CXCL12: variants seen among roughly 807,000 people sequenced by gnomAD.
CXCL12 encodes the protein C-X-C motif chemokine ligand 12.
A neutral mutation model predicts 10.7 loss-of-function variants in CXCL12; 4 were observed. The observed-to-expected ratio is 0.37, with a 90% CI of 0.18 to 0.86. The LOEUF is 0.86. Among genes scored for constraint, CXCL12 ranks in the 40% least tolerant of loss-of-function variants. The pLI is 0.43. For missense variants in CXCL12, 122 were observed against 110.4 expected, an observed-to-expected ratio of 1.10 and a Z score of -0.47; for synonymous variants, 54 against 45.4, an observed-to-expected ratio of 1.19 and a Z score of -0.77.
downstream of CXCL12, chr10:44,374,614 C>G (rs1889402): frequency 0.042 from 19,302 of 456,002 alleles, 501 homozygotes; most frequent in African/African-American, 0.074. Context: ...ACCTCCCCAA[C>G]GAGGAGAAGG....
At chr10:44,372,835 G>C (rs928355520), downstream of CXCL12, 1 of 1,506,606 alleles carries the variant, frequency 6.6e-7, no homozygotes. Context: ...GGAGAAGGGG[G>C]TGAGCCTCCC....
Position 44,384,930 on chromosome 10 carries a change from G to A in CXCL12, c.61+15C>T, listed in dbSNP as rs1277464438. The A allele has an allele frequency of 2.0e-6, 3 of 1,489,728 alleles. No homozygotes were observed. Among genetic ancestry groups the A allele is most frequent in the Non-Finnish European group, 2.7e-6 (3 of 1,121,012 alleles). 92.3% of individuals were successfully genotyped at this position (1,489,728 alleles called of 1,614,324 possible). ...CCCAGAGCCTCGCCAGGGCCTCCCC[G>A]CCGAGCGCACTTACCGTCGCTGAGG... is the stretch of plus-strand genomic sequence containing the variant. On this transcript the variant is annotated intron_variant, in intron 1 of 2. Coordinates refer to ENST00000343575, the MANE Select transcript of CXCL12 (RefSeq NM_199168.4).
chr10:44,384,277 C>T (rs1000844711), intron 1 of CXCL12, among the ~76,000 whole-genome samples: 5 of 152,108 alleles, frequency 3.3e-5, no homozygotes, highest in African/African-American at 1.2e-4. Context: ...CGGCTGGACG[C>T]GCGCCCAGGT....
Position 44,377,733 on chromosome 10 carries a change from G to A in CXCL12, c.*900C>T, listed in dbSNP as rs763311263. 14 of 1,598,192 alleles carry A rather than the reference G, an allele frequency of 8.8e-6. No individual in the cohort carries two copies. Among genetic ancestry groups the A allele is most frequent in the East Asian group, 2.2e-5 (1 of 44,892 alleles). On this transcript the variant is annotated 3_prime_UTR_variant, in exon 3 of 3. Coordinates refer to ENST00000343575, the MANE Select transcript of CXCL12 (RefSeq NM_199168.4). ...TTCTGTAAAGACTTGTCTTTTGCGG[G>A]TAAGCAGGGGGACCATTACACATCC...
chr10:44,383,865 C>T (rs1002341995), intron 1 of CXCL12, among the ~76,000 whole-genome samples: 1 of 152,146 alleles, frequency 6.6e-6, no homozygotes, highest in Non-Finnish European at 1.5e-5. Context: ...CTGCACAGCC[C>T]GCGGCTGCAA....
At chr10:44,372,505 G>T (rs1839338624), downstream of CXCL12, 3 of 522,314 alleles carry the variant, frequency 5.7e-6, no homozygotes, top group African/African-American at 2.0e-5. Context: ...CAAAAACATA[G>T]GATTGGACAA....
rs564784951 is a variant in CXCL12 at position 44,382,562 on chromosome 10, A to G, written c.62-1682T>C. 2.2e-4 allele frequency among the ~76,000 whole-genome samples: 34 copies of G among 152,174 alleles called. No individual in the cohort carries two copies. The South Asian group carries it at 6.6e-3, about 30-fold the overall frequency. ...AAGTGCTGCAGCCGCCCCCGCTGGG[A>G]TGGGTGGGGCTGTGACTCTCCAGCG... On this transcript the variant is annotated intron_variant, in intron 1 of 2. Coordinates refer to ENST00000343575, the MANE Select transcript of CXCL12 (RefSeq NM_199168.4).
At chr10:44,381,734 T>C (rs1030821309) in intron 1 of CXCL12, among the ~76,000 whole-genome samples, 1 of 152,244 alleles carries the variant, frequency 6.6e-6, no homozygotes, top group Non-Finnish European at 1.5e-5. Flanking sequence ...CTGGGATTTG[T>C]GTGTGCTTTT....
downstream of CXCL12, chr10:44,372,213 T>C (rs1839331448): frequency 6.6e-6 from 1 of 152,402 alleles, no homozygotes; most frequent in Non-Finnish European, 1.5e-5. Flanking sequence ...AGTGCTGGGC[T>C]TGGCCCTAGT....
chr10:44,375,877 C>T (rs886680109), downstream of CXCL12: 13 of 1,604,784 alleles, frequency 8.1e-6, no homozygotes, highest in African/African-American at 4.0e-5. Flanking sequence ...GGAGGAGGAT[C>T]GAGCAAATTT....
chr10:44,382,394 TCCAGGTTTCC>T, intron 1 of CXCL12, among the ~76,000 whole-genome samples: 1 of 152,266 alleles, frequency 6.6e-6, no homozygotes, highest in East Asian at 1.9e-4. Flanking sequence ...GTGTTGTGCC[TCCAGGTTTCC>T]CTGGATTTCT....
downstream of CXCL12, among the ~76,000 whole-genome samples, chr10:44,376,699 G>A (rs1839461468): frequency 6.6e-6 from 1 of 152,162 alleles, no homozygotes; most frequent in Non-Finnish European, 1.5e-5. Context: ...TTTATGGGGT[G>A]AGGCCACCTG....
At chr10:44,375,903 C>A (rs775431194), downstream of CXCL12, 2 of 1,608,898 alleles carry the variant, frequency 1.2e-6, no homozygotes. Flanking sequence ...GCGCCGAGAG[C>A]AAGTGAACTG....
chr10:44,374,991 T>C (rs748932270), downstream of CXCL12, among the ~76,000 whole-genome samples: 16 of 152,040 alleles, frequency 1.1e-4, no homozygotes, highest in Non-Finnish European at 2.1e-4. Flanking sequence ...AGAGCTTAAG[T>C]GGTATTTGCT....
chr10:44,380,360 C>G (rs1278087941), intron 2 of CXCL12: 1 of 182,506 alleles, frequency 5.5e-6, no homozygotes, highest in Non-Finnish European at 1.2e-5. Context: ...GCATTTGGGT[C>G]TTGTGAGTTA....
rs1238881122 is a variant in CXCL12, at chr10:44,380,863, T to C, written c.79A>G (p.Ser27Gly). Residue 27 changes from serine to glycine, a missense_variant, in exon 2 of 3, where the codon AGC becomes GGC. By Grantham distance (56) the Ser-to-Gly change is moderately conservative (BLOSUM62 0). Coordinates refer to ENST00000343575, the MANE Select transcript of CXCL12 (RefSeq NM_199168.4). ...AAGAATCGGCATGGGCATCTGTAGC[T>C]CAGGCTGACGGGCTTCCCTAGAAGA... ...CLSDGKPVSLSYRCPCRFFES... is the reference protein window; with the variant it reads ...CLSDGKPVSLGYRCPCRFFES... 1 of 1,614,218 alleles carries C rather than the reference T, an allele frequency of 6.2e-7. No individual in the cohort carries two copies. The highest frequency in any genetic ancestry group is 8.5e-7 in the Non-Finnish European group (1 of 1,180,030).
At position 44,385,026 on chromosome 10, in the gene CXCL12, C is replaced by T. The variant is rs1447813498; in HGVS notation, c.-21G>A. The T allele has an allele frequency of 1.5e-6, 1 of 658,162 alleles. No individual in the cohort carries two copies. Among genetic ancestry groups the T allele is most frequent in the Non-Finnish European group, 2.2e-6 (1 of 461,024 alleles). The allele number at this position is 658,162 out of a possible 1,614,324, so 40.8% of individuals were successfully genotyped here. A position where few individuals can be genotyped will look rare whatever the true frequency, so the allele number is the denominator to read the frequency against. On this transcript the variant is annotated 5_prime_UTR_variant, in exon 1 of 3. Coordinates refer to ENST00000343575, the MANE Select transcript of CXCL12 (RefSeq NM_199168.4). ...TTCATGGCGCGGGCGGGCGGGCGGG[C>T]GGGCGGACGAGCGCGGGTCGGGGGC...
chr10:44,380,984 G>T (rs1024730427), intron 1 of CXCL12, 104 bp from the exon 2 acceptor site: 33 of 907,598 alleles, frequency 3.6e-5, no homozygotes, highest in Non-Finnish European at 5.9e-5. Flanking sequence ...TCAAGAGACG[G>T]CATCACTGGG....
chr10:44,375,971 T>TC, downstream of CXCL12: 1 of 1,613,586 alleles, frequency 6.2e-7, no homozygotes, highest in Non-Finnish European at 8.5e-7. Context: ...GCCTTTCTCT[T>TC]CTTCTGTCGC....
Sources: gnomAD v4.1 joint callset for allele counts (sites outside exome capture counted in the v4.1 genomes callset) on GRCh38, gnomAD v4.1.1 for gene constraint, MANE v1.5 for transcripts, NCBI Gene and HGNC (gene_info 2026-07-23, HGNC 2026-07-21) for gene names.